The following OR10J1 variants were observed in gnomAD, a reference collection of about 807,000 sequenced individuals.
OR10J1 encodes olfactory receptor family 10 subfamily J member 1.
For synonymous variants in OR10J1, 202 were observed against 143.8 expected, an observed-to-expected ratio of 1.40 and a Z score of -2.89; for missense variants, 474 against 376.6, an observed-to-expected ratio of 1.26 and a Z score of -2.14.
chr1:159,411,361 G>C, the OR10J1 span, among the ~76,000 whole-genome samples: 1 of 152,108 alleles, frequency 6.6e-6, no homozygotes, highest in African/African-American at 2.4e-5. Flanking sequence ...CCAAGGACTT[G>C]CTTTATGAAT....
upstream of OR10J1, among the ~76,000 whole-genome samples, chr1:159,436,754 C>A (rs1183958769): frequency 1.3e-5 from 2 of 151,934 alleles, no homozygotes; most frequent in Non-Finnish European, 2.9e-5. Flanking sequence ...AAGCGAGAAT[C>A]ACTTGAGAGG....
chr1:159,425,997 T>C, the OR10J1 span, among the ~76,000 whole-genome samples: 1 of 152,108 alleles, frequency 6.6e-6, no homozygotes, highest in East Asian at 1.9e-4. Context: ...ATTTGGATTA[T>C]TTAGCAAAAA....
At chr1:159,422,028 C>A in the OR10J1 span, among the ~76,000 whole-genome samples, 1 of 152,116 alleles carries the variant, frequency 6.6e-6, no homozygotes, top group Non-Finnish European at 1.5e-5. Context: ...TGCTGCAATG[C>A]GCTGTACAGG....
chr1:159,440,838 G>A lies in OR10J1; in HGVS notation c.*117G>A, dbSNP rs1173139271. On this transcript the variant is annotated 3_prime_UTR_variant, in exon 1 of 1. Coordinates refer to ENST00000423932, the MANE Select transcript of OR10J1 (RefSeq NM_012351.3). ...TGCCCCTTAAATAAGAGGCAAAAGA[G>A]GAATAGCAGTTTCATACAACTGGGA... The A allele has an allele frequency of 3.7e-6, 4 of 1,071,304 alleles. No homozygotes were observed. Among genetic ancestry groups the A allele is most frequent in the African/African-American group, 1.6e-5 (1 of 63,494 alleles). The allele number at this position is 1,071,304 out of a possible 1,614,324, so 66.4% of individuals were successfully genotyped here. A position where few individuals can be genotyped will look rare whatever the true frequency, so the allele number is the denominator to read the frequency against.
chr1:159,437,856 C>T (rs1655782654), upstream of OR10J1: 1 of 152,592 alleles, frequency 6.6e-6, no homozygotes, highest in African/African-American at 2.4e-5. Flanking sequence ...GACTATATTC[C>T]TACTAGTGTG....
At chr1:159,417,053 T>C in the OR10J1 span, among the ~76,000 whole-genome samples, 1 of 152,146 alleles carries the variant, frequency 6.6e-6, no homozygotes, top group African/African-American at 2.4e-5. Context: ...TTTTGTTTTT[T>C]AGGTCTCTAT....
the OR10J1 span, among the ~76,000 whole-genome samples, chr1:159,417,079 T>C: frequency 6.6e-6 from 1 of 152,140 alleles, no homozygotes; most frequent in Non-Finnish European, 1.5e-5. Context: ...TTAGTTCTGC[T>C]TTGATCTTTA....
chr1:159,404,985 A>T, the OR10J1 span, among the ~76,000 whole-genome samples: 1 of 152,116 alleles, frequency 6.6e-6, no homozygotes, highest in African/African-American at 2.4e-5. Context: ...TTTATACCCC[A>T]TGATAATGGT....
rs745512924 is a variant in OR10J1 at position 159,439,896 on chromosome 1, C to T, written c.105C>T (p.Tyr35=). The part of the protein sequence containing the change: ...ITLFGVFLAL[Y]ILTLAGNIII... ...TTTTTGGCGTGTTCCTTGCACTATACATCTTAACCTTAGCAGGCAATATCA... is the reference window on the plus strand; with the variant it reads ...TTTTTGGCGTGTTCCTTGCACTATATATCTTAACCTTAGCAGGCAATATCA... The change falls in exon 1 of 1, where the codon TAC becomes TAT. Residue 35 remains tyrosine, a synonymous_variant. Coordinates refer to ENST00000423932, the MANE Select transcript of OR10J1 (RefSeq NM_012351.3). 62 of 1,614,076 alleles carry T rather than the reference C, an allele frequency of 3.8e-5. No individual in the cohort carries two copies. The highest frequency in any genetic ancestry group is 5.0e-5 in the Non-Finnish European group (59 of 1,180,032).
chr1:159,421,088 C>A, the OR10J1 span, among the ~76,000 whole-genome samples: 1 of 151,940 alleles, frequency 6.6e-6, no homozygotes, highest in Non-Finnish European at 1.5e-5. Context: ...CTTTGTAATT[C>A]TTTTTTATTC....
At chr1:159,411,178 A>AT in the OR10J1 span, among the ~76,000 whole-genome samples, 29 of 152,164 alleles carry the variant, frequency 1.9e-4, no homozygotes, top group African/African-American at 7.0e-4. Flanking sequence ...TATTCTGTTG[A>AT]TTTGGGGTGG....
chr1:159,427,934 A>G, the OR10J1 span, among the ~76,000 whole-genome samples: 1 of 152,144 alleles, frequency 6.6e-6, no homozygotes, highest in East Asian at 1.9e-4. Context: ...AACAACTTAG[A>G]GAATAAAAAG....
At chr1:159,439,283 T>C (rs1303501826), upstream of OR10J1, among the ~76,000 whole-genome samples, 1 of 152,238 alleles carries the variant, frequency 6.6e-6, no homozygotes, top group Non-Finnish European at 1.5e-5. Flanking sequence ...ACCCAATCCA[T>C]GCATAATTTG....
the OR10J1 span, among the ~76,000 whole-genome samples, chr1:159,402,480 A>C: frequency 6.6e-6 from 1 of 152,042 alleles, no homozygotes; most frequent in South Asian, 2.1e-4. Context: ...AGATGTGAAA[A>C]ACAAATTTTT....
chr1:159,398,442 G>T, the OR10J1 span, among the ~76,000 whole-genome samples: 1 of 152,140 alleles, frequency 6.6e-6, no homozygotes, highest in Non-Finnish European at 1.5e-5. Context: ...AAAAAACAGA[G>T]ATATGTGACC....
the OR10J1 span, among the ~76,000 whole-genome samples, chr1:159,431,651 G>A: frequency 6.6e-6 from 1 of 152,162 alleles, no homozygotes; most frequent in African/African-American, 2.4e-5. Context: ...TTATAATAGT[G>A]CGAGAGTGAT....
chr1:159,413,166 A>G, the OR10J1 span, among the ~76,000 whole-genome samples: 5 of 152,002 alleles, frequency 3.3e-5, no homozygotes, highest in Admixed American at 2.6e-4. Context: ...TTAGAATGGC[A>G]ATCATTAAAA....
the OR10J1 span, chr1:159,405,671 T>G: frequency 1.9e-6 from 1 of 526,818 alleles, no homozygotes; most frequent in Non-Finnish European, 3.6e-6. Flanking sequence ...CAGGCCTTCT[T>G]CCTACCCTCA....
At position 159,439,746 on chromosome 1, in the gene OR10J1, C is replaced by A; in HGVS notation, c.-46C>A. ...ATGTGCTTCTACTGCTTTACTGGGA[C>A]TATGTGACTTTTATGCTTTTATGTT... On this transcript the variant is annotated 5_prime_UTR_variant, in exon 1 of 1. Transcript: ENST00000423932. 6.2e-6 allele frequency: 10 copies of A among 1,611,090 alleles called. No homozygotes were observed. The highest frequency in any genetic ancestry group is 8.5e-6 in the Non-Finnish European group (10 of 1,177,916).
Sources: gnomAD v4.1 joint callset for allele counts (sites outside exome capture counted in the v4.1 genomes callset) on GRCh38, gnomAD v4.1.1 for gene constraint, MANE v1.5 for transcripts, NCBI Gene and HGNC (gene_info 2026-07-23, HGNC 2026-07-21) for gene names.